The following GPM6A variants were observed in gnomAD, a reference collection of about 807,000 sequenced individuals.
The protein encoded by GPM6A is glycoprotein M6A, also known as neuronal membrane glycoprotein M6-a.
In GPM6A, 7 loss-of-function variants were observed where a neutral mutation model predicts 32.1. The ratio of observed to expected loss-of-function variants is 0.22; its 90% CI spans 0.12 to 0.41. The LOEUF (loss-of-function observed/expected upper bound fraction) is 0.41, where lower values mean the gene tolerates loss of function less well. Among genes scored for constraint, GPM6A ranks in the 10% least tolerant of loss-of-function variants. The pLI, the probability that GPM6A is intolerant of heterozygous loss-of-function variation, is 1.00. For synonymous variants in GPM6A, 130 were observed against 123.4 expected, an observed-to-expected ratio of 1.05 and a Z score of -0.35; for missense variants, 235 against 347.2, an observed-to-expected ratio of 0.68 and a Z score of 2.57.
chr4:175,873,574 CTGT>C (rs1252541938), intron 1 of GPM6A, among the ~76,000 whole-genome samples: 1 of 152,064 alleles, frequency 6.6e-6, no homozygotes, highest in Non-Finnish European at 1.5e-5. Flanking sequence ...AAGACTGGCC[CTGT>C]TGTTTTCTCA....
intron 1 of GPM6A, among the ~76,000 whole-genome samples, chr4:175,916,299 C>T (rs1045281904): frequency 2.0e-5 from 3 of 152,174 alleles, no homozygotes; most frequent in Non-Finnish European, 4.4e-5. Flanking sequence ...GTCTACCTTT[C>T]TGTTTAGTGC....
chr4:175,758,841 A>C (rs1232080342), intron 1 of GPM6A, among the ~76,000 whole-genome samples: 2 of 152,136 alleles, frequency 1.3e-5, no homozygotes, highest in African/African-American at 4.8e-5. Context: ...GTCAGCTTTC[A>C]ATTTTGTTTT....
chr4:175,764,094 CAT>C (rs1732862791), intron 1 of GPM6A, among the ~76,000 whole-genome samples: 1 of 152,086 alleles, frequency 6.6e-6, no homozygotes, highest in African/African-American at 2.4e-5. Context: ...GTTATATAAC[CAT>C]CACCACTATC....
chr4:175,738,085 G>A (rs1461973547), intron 1 of GPM6A, among the ~76,000 whole-genome samples: 1 of 152,112 alleles, frequency 6.6e-6, no homozygotes, highest in Non-Finnish European at 1.5e-5. Context: ...CCACAGGCAT[G>A]TGCCAACACG....
intron 1 of GPM6A, among the ~76,000 whole-genome samples, chr4:175,761,212 C>T (rs1236939484): frequency 6.6e-6 from 1 of 152,238 alleles, no homozygotes; most frequent in Non-Finnish European, 1.5e-5. Context: ...GCAACCTCTG[C>T]CTCCTGGGTT....
At chr4:175,827,716 G>A (rs1287388815) in intron 1 of GPM6A, among the ~76,000 whole-genome samples, 1 of 152,166 alleles carries the variant, frequency 6.6e-6, no homozygotes, top group African/African-American at 2.4e-5. Context: ...AGTTTCAAAT[G>A]GCAGCTCAGC....
intron 1 of GPM6A, among the ~76,000 whole-genome samples, chr4:175,933,642 A>G (rs997090338): frequency 6.6e-6 from 1 of 152,116 alleles, no homozygotes; most frequent in Non-Finnish European, 1.5e-5. Flanking sequence ...TCCCGAGTTC[A>G]TGCCATTCTT....
intron 1 of GPM6A, among the ~76,000 whole-genome samples, chr4:175,720,713 A>G (rs925375644): frequency 6.6e-6 from 1 of 152,130 alleles, no homozygotes; most frequent in African/African-American, 2.4e-5. Flanking sequence ...TACAAGAAGG[A>G]TAAGTCAAGT....
intron 3 of GPM6A, among the ~76,000 whole-genome samples, chr4:175,657,792 G>A (rs1233968784): frequency 1.3e-5 from 2 of 152,058 alleles, no homozygotes; most frequent in Non-Finnish European, 2.9e-5. Flanking sequence ...TGTCGGTTGT[G>A]CAATCAAAAT....
At chr4:175,751,086 G>T (rs927922174) in intron 1 of GPM6A, among the ~76,000 whole-genome samples, 12 of 152,084 alleles carry the variant, frequency 7.9e-5, no homozygotes, top group African/African-American at 2.7e-4. Context: ...GGGGAAAAAA[G>T]ATGTGCATAA....
rs927503075 is a variant in GPM6A at position 175,915,093 on chromosome 4, A to G, written c.-23+87216T>C. Reference sequence around the variant, plus strand: ...AGAAAAATACACAAAATAAAACCACAATAGTATTGAGTAAAGAAAGCTTAT... The same window carrying G: ...AGAAAAATACACAAAATAAAACCACGATAGTATTGAGTAAAGAAAGCTTAT... On this transcript the variant is annotated intron_variant, in intron 1 of 7. Coordinates refer to the GPM6A transcript ENST00000280187. Among the ~76,000 whole-genome samples, 9 of 152,310 alleles carry G rather than the reference A, an allele frequency of 5.9e-5. No homozygotes were observed. The East Asian group carries it at 1.2e-3, about 20-fold the overall frequency.
intron 1 of GPM6A, among the ~76,000 whole-genome samples, chr4:175,987,437 A>T (rs368494127): frequency 6.6e-5 from 10 of 152,178 alleles, no homozygotes; most frequent in African/African-American, 2.2e-4. Flanking sequence ...TAAATTACAA[A>T]TCTAAAGTTC....
At chr4:175,931,683 C>A (rs6553896) in intron 1 of GPM6A, among the ~76,000 whole-genome samples, 30,934 of 125,736 alleles carry the variant, frequency 0.25, 3,513 homozygotes, top group South Asian at 0.41. Flanking sequence ...CACACACACA[C>A]ACACACACAC....
At chr4:175,991,703 C>G (rs1741150814) in intron 1 of GPM6A, among the ~76,000 whole-genome samples, 1 of 151,760 alleles carries the variant, frequency 6.6e-6, no homozygotes, top group African/African-American at 2.4e-5. Context: ...AATAAAATAA[C>G]AAACAAAAAA....
intron 1 of GPM6A, among the ~76,000 whole-genome samples, chr4:175,776,011 A>T (rs1560926890): frequency 6.6e-6 from 1 of 152,210 alleles, no homozygotes; most frequent in Non-Finnish European, 1.5e-5. Flanking sequence ...CTTCGATTAT[A>T]AAAAGCCAAG....
Position 175,996,559 on chromosome 4 carries a change from A to G in GPM6A, c.-23+5750T>C, listed in dbSNP as rs1019570113. On this transcript the variant is annotated intron_variant, in intron 1 of 7. Transcript: ENST00000280187. ...AATAGCCTTAGAAACTTCAGACTCA[A>G]GGGAAAATAAGGAAGATTAGCTGAT... Among the ~76,000 whole-genome samples the G allele has an allele frequency of 3.3e-4, 50 of 152,202 alleles. 1 individual carries two copies. Among genetic ancestry groups the G allele is most frequent in the Admixed American group, 2.3e-3 (35 of 15,280 alleles).
chr4:175,778,593 C>G (rs542468076), intron 1 of GPM6A, among the ~76,000 whole-genome samples: 2 of 137,204 alleles, frequency 1.5e-5, no homozygotes, highest in South Asian at 2.3e-4. Context: ...GCACTGCACT[C>G]CAGCCTGGCA....
In GPM6A at chr4:175,673,698, G is replaced by A. The variant is rs1260639720; in HGVS notation, c.369C>T (p.Gly123=). 6.2e-7 allele frequency: 1 copy of A among 1,609,378 alleles called. No individual in the cohort carries two copies. Among genetic ancestry groups the A allele is most frequent in the South Asian group, 1.1e-5 (1 of 90,566 alleles). ...LYGDFKITTC[G]RCVSAWFIML... Reference sequence around the variant, plus strand: ...AACATACCCAAGCGCTCACACATCTGCCACAAGTGGTGATTTTGAAATCCC... The same window carrying A: ...AACATACCCAAGCGCTCACACATCTACCACAAGTGGTGATTTTGAAATCCC... The change falls in exon 3 of 7, where the codon GGC becomes GGT. Residue 123 remains glycine (G), a synonymous_variant. Coordinates refer to ENST00000393658, the MANE Select transcript of GPM6A (RefSeq NM_201591.3).
At chr4:175,904,510 A>G (rs913331942) in intron 1 of GPM6A, among the ~76,000 whole-genome samples, 4 of 152,142 alleles carry the variant, frequency 2.6e-5, no homozygotes. Flanking sequence ...TAAAGTAAAC[A>G]TTCTATTTTT....
Sources: gnomAD v4.1 joint callset for allele counts (sites outside exome capture counted in the v4.1 genomes callset) on GRCh38, gnomAD v4.1.1 for gene constraint, MANE v1.5 for transcripts, NCBI Gene and HGNC (gene_info 2026-07-23, HGNC 2026-07-21) for gene names.